TAF6L: variants seen among roughly 807,000 people sequenced by gnomAD.
TAF6L encodes the protein TAF6-like RNA polymerase II p300/CBP-associated factor-associated factor 65 kDa subunit 6L.
Under a neutral mutation model 57.3 loss-of-function variants are expected in TAF6L, and 34 were observed. That is an observed-to-expected ratio of 0.59 (90% CI 0.45 to 0.79). The LOEUF (loss-of-function observed/expected upper bound fraction) is 0.79, where lower values mean the gene tolerates loss of function less well. TAF6L is among the 30% of genes least tolerant of loss of function. The probability of loss-of-function intolerance (pLI) is 0.00; values close to 1 mark genes in which losing one functional copy is unlikely to be tolerated. For missense variants in TAF6L, 782 were observed against 853.2 expected, an observed-to-expected ratio of 0.92 and a Z score of 1.04; for synonymous variants, 417 against 376.3, an observed-to-expected ratio of 1.11 and a Z score of -1.25.
chr11:62,785,672 T>C (rs201132821), intron 9 of TAF6L, among the ~76,000 whole-genome samples: 1 of 152,116 alleles, frequency 6.6e-6, no homozygotes, highest in East Asian at 1.9e-4. Context: ...GTAGTTGAGA[T>C]TACAGGCAAC....
chr11:62,774,891 C>CAA (rs775768945), intron 1 of TAF6L, among the ~76,000 whole-genome samples: 4 of 84,624 alleles, frequency 4.7e-5, no homozygotes, highest in Admixed American at 2.5e-4. Flanking sequence ...AACTCCGTCT[C>CAA]AAAAAAAAAA....
intron 6 of TAF6L, among the ~76,000 whole-genome samples, chr11:62,780,484 C>A (rs1000011074): frequency 1.3e-5 from 2 of 151,888 alleles, no homozygotes; most frequent in Non-Finnish European, 2.9e-5. Flanking sequence ...GCACTCCAGC[C>A]TGGGCAACAA....
At chr11:62,778,825 G>T in intron 5 of TAF6L, 44 bp from the exon 6 acceptor site, 1 of 1,550,178 alleles carries the variant, frequency 6.5e-7, no homozygotes, top group Non-Finnish European at 8.9e-7. Flanking sequence ...CCAGGAGAGG[G>T]CCAGCTCTCC....
At position 62,779,973 on chromosome 11, in the gene TAF6L, TATA is replaced by T. The variant is rs1199027991; in HGVS notation, c.531+1011_531+1013del. Among the ~76,000 whole-genome samples, 648 of 67,516 alleles carry T rather than the reference TATA, an allele frequency of 9.6e-3. 7 individuals are homozygous for T. The highest frequency in any genetic ancestry group is 0.027 in the African/African-American group (613 of 22,814). The allele number at this position is 67,516 out of a possible 152,430, so 44.3% of individuals were successfully genotyped here. On this transcript the variant is annotated intron_variant, in intron 6 of 10. Transcript: ENST00000294168. ...GAGCCTATATATATATATATATATA[TATA>T]TTTTTTTTTTTTTTTTTTTTAGAGA...
At position 62,787,039 on chromosome 11, in the gene TAF6L, G is replaced by A. The variant is rs1565191529; in HGVS notation, c.1612G>A (p.Gly538Ser). Reference sequence around the variant, plus strand: ...GGCGCGCGGGGCACCCCGGCAGCAGGGCCCCGGGACCGGCACCCGCGACGT... The same window carrying A: ...GGCGCGCGGGGCACCCCGGCAGCAGAGCCCCGGGACCGGCACCCGCGACGT... ...HRARGAPRQQGPGTGTRDVFQ... is the reference protein window; with the variant it reads ...HRARGAPRQQSPGTGTRDVFQ... Residue 538 changes from glycine (G) to serine (S), a missense_variant, in exon 11 of 11, where the codon GGC (glycine) becomes AGC (serine). By Grantham distance (56) the Gly-to-Ser change is moderately conservative. Coordinates refer to ENST00000294168, the MANE Select transcript of TAF6L (RefSeq NM_006473.4). 1.3e-6 allele frequency: 2 copies of A among 1,511,412 alleles called. No individual in the cohort carries two copies. Among genetic ancestry groups the A allele is most frequent in the Non-Finnish European group, 1.8e-6 (2 of 1,137,724 alleles). 93.6% of individuals were successfully genotyped at this position (1,511,412 alleles called of 1,614,324 possible).
chr11:62,772,072 C>G lies in TAF6L; in HGVS notation c.-14+582C>G, dbSNP rs1185597053. On this transcript the variant is annotated intron_variant, in intron 1 of 10. Transcript: ENST00000294168. Reference sequence around the variant, plus strand: ...GCTCCCCCTCCCTACTTACTCAGTGCTTACTTCATGATCTTGGAGAAGTCA... The same window carrying G: ...GCTCCCCCTCCCTACTTACTCAGTGGTTACTTCATGATCTTGGAGAAGTCA... The G allele has an allele frequency of 1.1e-5, 5 of 455,978 alleles. No homozygotes were observed. In the Admixed American group the frequency reaches 1.2e-4, roughly 11 times the overall value. The allele number at this position is 455,978 out of a possible 1,614,324, so 28.2% of individuals were successfully genotyped here.
Position 62,776,292 on chromosome 11 carries a change from G to C in TAF6L, c.148-92G>C, listed in dbSNP as rs897312076. On this transcript the variant is annotated intron_variant, in intron 2 of 10. Coordinates refer to ENST00000294168, the MANE Select transcript of TAF6L (RefSeq NM_006473.4). ...GATCCCTAAGCGTGGTCTCCTGTTT[G>C]CCTTCTCTCCAGTCTGGCCCACTTC... The C allele has an allele frequency of 1.1e-5, 15 of 1,306,926 alleles. No homozygotes were observed. The South Asian group carries it at 1.8e-4, about 16-fold the overall frequency. The allele number at this position is 1,306,926 out of a possible 1,614,324, so 81.0% of individuals were successfully genotyped here.
At chr11:62,772,695 C>T (rs1015002971) in intron 1 of TAF6L, among the ~76,000 whole-genome samples, 2 of 146,228 alleles carry the variant, frequency 1.4e-5, no homozygotes, top group Non-Finnish European at 3.0e-5. Context: ...CCAGGTGTGG[C>T]GGCACAGGCC....
chr11:62,783,191 T>C (rs887294593), intron 9 of TAF6L, among the ~76,000 whole-genome samples: 3 of 152,164 alleles, frequency 2.0e-5, no homozygotes, highest in Admixed American at 6.5e-5. Context: ...CTTTAAAAAT[T>C]AGGTGTTGGC....
chr11:62,781,269 G>A (rs1045572296), intron 6 of TAF6L, among the ~76,000 whole-genome samples: 6 of 150,026 alleles, frequency 4.0e-5, no homozygotes, highest in African/African-American at 1.5e-4. Context: ...AAACTGAAAA[G>A]TCTATTCCTC....
chr11:62,782,657 C>T, intron 8 of TAF6L, 36 bp from the exon 9 acceptor site: 1 of 1,605,910 alleles, frequency 6.2e-7, no homozygotes, highest in South Asian at 1.1e-5. Flanking sequence ...GGCACCATGC[C>T]TCATTCCCCT....
At position 62,781,956 on chromosome 11, in the gene TAF6L, T is replaced by C; in HGVS notation, c.594T>C (p.Tyr198=). 1 of 1,614,126 alleles carries C rather than the reference T, an allele frequency of 6.2e-7. No individual in the cohort carries two copies. The highest frequency in any genetic ancestry group is 8.5e-7 in the Non-Finnish European group (1 of 1,180,004). Residue 198 remains tyrosine, a synonymous_variant, in exon 7 of 11, where the codon TAT becomes TAC. Coordinates refer to ENST00000294168, the MANE Select transcript of TAF6L (RefSeq NM_006473.4). ...GGGCACTCCTGCCTTACTTTGTTTA[T>C]GTGGTCAGTGGGGTAAGTGACCAGG... ...KIGALLPYFV[Y]VVSGVKSVSH...
chr11:62,772,131 G>T, intron 1 of TAF6L: 1 of 456,224 alleles, frequency 2.2e-6, no homozygotes, highest in Non-Finnish European at 4.4e-6. Flanking sequence ...TGATTTCCTT[G>T]CCTGTGAAAT....
intron 3 of TAF6L, 74 bp from the exon 4 acceptor site, chr11:62,777,904 G>A: frequency 3.2e-6 from 5 of 1,551,394 alleles, no homozygotes; most frequent in Non-Finnish European, 4.4e-6. Flanking sequence ...TCTGGTCAGT[G>A]GAGCCTCATC....
intron 3 of TAF6L, 81 bp from the exon 4 acceptor site, chr11:62,777,897 G>T: frequency 6.6e-7 from 1 of 1,521,386 alleles, no homozygotes; most frequent in South Asian, 1.2e-5. Flanking sequence ...TCTCTGCTCT[G>T]GTCAGTGGAG....
At chr11:62,776,095 G>A (rs553518735) in intron 2 of TAF6L, among the ~76,000 whole-genome samples, 165 bp downstream of exon 2, 127 of 152,328 alleles carry the variant, frequency 8.3e-4, no homozygotes, top group African/African-American at 3.0e-3. Context: ...TGGGCTTCCA[G>A]CAGACAAAGC....
chr11:62,771,650 G>C (rs890983798), intron 1 of TAF6L, 160 bp downstream of exon 1: 9 of 175,174 alleles, frequency 5.1e-5, no homozygotes, highest in Admixed American at 3.3e-4. Flanking sequence ...CCCCCTCCCC[G>C]ATCTGGGCTG....
In TAF6L at chr11:62,775,883, G is replaced by T; in HGVS notation, c.100G>T (p.Ala34Ser). The T allele has an allele frequency of 6.2e-7, 1 of 1,613,994 alleles. No individual in the cohort carries two copies. Among genetic ancestry groups the T allele is most frequent in the Non-Finnish European group, 8.5e-7 (1 of 1,179,986 alleles). The stretch of plus-strand genomic sequence containing the variant: ...CCTGGAGCTGAGCGATGAGGTGGCG[G>T]CGCTGCTCGCAGAGGACGTGTGCTA... ...TGLELSDEVA[A>S]LLAEDVCYRL... The change falls in exon 2 of 11, where the codon GCG becomes TCG. Residue 34 changes from alanine to serine, a missense_variant. Around this residue, in one of 3 missense-constraint regions of TAF6L, gnomAD observed 220 missense variants for 252.1 expected, o/e 0.87. Transcript: ENST00000294168.
rs918804684 is a variant in TAF6L, at chr11:62,783,429, C to T, written c.960+604C>T. ...CCCGGGAGGCGGAGCTTGCAGTGAG[C>T]CGAGATTGCGCCACTACACTGCAGC... On this transcript the variant is annotated intron_variant, in intron 9 of 10. Coordinates refer to ENST00000294168, the MANE Select transcript of TAF6L (RefSeq NM_006473.4). 4.0e-5 allele frequency among the ~76,000 whole-genome samples: 6 copies of T among 151,488 alleles called. No homozygotes were observed. In the South Asian group the frequency reaches 1.2e-3, roughly 32 times the overall value.
Sources: gnomAD v4.1 joint callset for allele counts (sites outside exome capture counted in the v4.1 genomes callset) on GRCh38, gnomAD v4.1.1 for gene constraint, gnomAD v4.1.1 regional missense constraint, MANE v1.5 for transcripts, NCBI Gene and HGNC (gene_info 2026-07-23, HGNC 2026-07-21) for gene names.